Variants in MLC1 observed in about 807,000 individuals in gnomAD.
The protein encoded by MLC1 is modulator of VRAC current 1.
MLC1 carries 32 observed loss-of-function variants against 44.7 expected under a neutral mutation model. That is an observed-to-expected ratio of 0.72 (90% CI 0.54 to 0.96). The LOEUF (loss-of-function observed/expected upper bound fraction) is 0.96. Ranked by LOEUF, MLC1 falls within the 40% of genes least tolerant of loss-of-function variation. The pLI is 0.00. For missense variants in MLC1, 459 were observed against 492.2 expected (o/e 0.93, Z 0.64); for synonymous variants, 190 against 213.0 (o/e 0.89, Z 0.94).
intron 10 of MLC1, among the ~76,000 whole-genome samples, chr22:50,065,421 T>A (rs1320488449): frequency 6.6e-6 from 1 of 151,764 alleles, no homozygotes; most frequent in Non-Finnish European, 1.5e-5. Context: ...CTTAACTATT[T>A]AAAAAAATAG....
At chr22:50,078,149 C>T (rs541956139) in intron 5 of MLC1, among the ~76,000 whole-genome samples, 10 of 151,992 alleles carry the variant, frequency 6.6e-5, no homozygotes, top group East Asian at 2.0e-4. Context: ...CCTACCAGCA[C>T]GCCCGGCTAA....
intron 9 of MLC1, among the ~76,000 whole-genome samples, 173 bp downstream of exon 9, chr22:50,070,354 C>T (rs1206606567): frequency 6.6e-6 from 1 of 152,220 alleles, no homozygotes; most frequent in African/African-American, 2.4e-5. Flanking sequence ...CCCTGCTGAG[C>T]GGGCCAGCCT....
At chr22:50,062,304 G>A (rs1245589860) in intron 11 of MLC1, among the ~76,000 whole-genome samples, 5 of 149,446 alleles carry the variant, frequency 3.3e-5, no homozygotes, top group East Asian at 2.0e-4. Flanking sequence ...CTGAGCCCCA[G>A]CCGCCCACCC....
chr22:50,080,994 A>G (rs963197017), intron 3 of MLC1, among the ~76,000 whole-genome samples: 1 of 151,696 alleles, frequency 6.6e-6, no homozygotes, highest in African/African-American at 2.4e-5. Flanking sequence ...TGATAGAGTG[A>G]GACCTTGTCT....
At chr22:50,076,237 CAA>C (rs1264883609) in intron 7 of MLC1, among the ~76,000 whole-genome samples, 2 of 152,010 alleles carry the variant, frequency 1.3e-5, no homozygotes, top group Non-Finnish European at 1.5e-5. Context: ...TACCAAAGTA[CAA>C]GGCAAGAAAA....
intron 8 of MLC1, among the ~76,000 whole-genome samples, chr22:50,070,794 C>G (rs560344434): frequency 1.3e-5 from 2 of 152,298 alleles, no homozygotes; most frequent in African/African-American, 4.8e-5. Flanking sequence ...GTTTTGTGTG[C>G]TCTCTGTTCC....
intron 11 of MLC1, among the ~76,000 whole-genome samples, chr22:50,063,238 G>T (rs1051473338): frequency 7.9e-5 from 12 of 152,200 alleles, no homozygotes; most frequent in Non-Finnish European, 1.5e-4. Context: ...ACTTTGGGAG[G>T]CCAAGGCAGG....
In MLC1 at chr22:50,083,153, C is replaced by G. The variant is rs199991229; in HGVS notation, c.198G>C (p.Ser66=). 3.1e-6 allele frequency: 5 copies of G among 1,614,094 alleles called. No homozygotes were observed. In the Admixed American group the frequency reaches 8.3e-5, roughly 27 times the overall value. The change falls in exon 3 of 12, where the codon TCG becomes TCC. Residue 66 remains serine, a synonymous_variant. Coordinates refer to ENST00000311597, the MANE Select transcript of MLC1 (RefSeq NM_015166.4). This position sits in a 1 kb window ranked among gnomAD's most constrained non-coding sequence, Gnocchi z 4.6. ...VLMGSCLLVT[S]GFSLYLGNVF... is the part of the protein sequence containing the mutation. ...CGTTCCCCAGGTACAGCGAAAACCC[C>G]GAGGTCACCAGGAGGCAGCTCTGCA...
At position 50,068,426 on chromosome 22, in the gene MLC1, A is replaced by C; in HGVS notation, c.894+7T>G. ...TCTGGGGGGCTCTGAAATAAAATAC[A>C]ACTCACTTTTATGGCTGGCGGGTAA... On this transcript the variant is annotated splice_region_variant and intron_variant, in intron 10 of 11. Coordinates refer to ENST00000311597, the MANE Select transcript of MLC1 (RefSeq NM_015166.4). The C allele has an allele frequency of 6.2e-7, 1 of 1,613,216 alleles. No homozygotes were observed. The highest frequency in any genetic ancestry group is 8.5e-7 in the Non-Finnish European group (1 of 1,179,442).
intron 8 of MLC1, among the ~76,000 whole-genome samples, chr22:50,071,815 T>C (rs945273668): frequency 6.6e-6 from 1 of 152,226 alleles, no homozygotes; most frequent in Non-Finnish European, 1.5e-5. Flanking sequence ...TGCATGCTCT[T>C]CATCCTCTTC....
Position 50,080,065 on chromosome 22 carries a change from G to C in MLC1, c.322-46C>G, listed in dbSNP as rs781673046. On this transcript the variant is annotated intron_variant, in intron 4 of 11. Transcript: ENST00000311597. Reference sequence around the variant, plus strand: ...GGTTTTCCTTCTTTGAATAATAAAAGAAAAAAGGTAACAGATAAACCACAC... The same window carrying C: ...GGTTTTCCTTCTTTGAATAATAAAACAAAAAAGGTAACAGATAAACCACAC... 12 of 1,454,734 alleles carry C rather than the reference G, an allele frequency of 8.2e-6. No homozygotes were observed. The East Asian group carries it at 2.7e-4, about 33-fold the overall frequency. 90.1% of individuals were successfully genotyped at this position (1,454,734 alleles called of 1,614,324 possible).
chr22:50,074,934 T>C (rs2061942881), intron 7 of MLC1, among the ~76,000 whole-genome samples: 1 of 152,254 alleles, frequency 6.6e-6, no homozygotes, highest in African/African-American at 2.4e-5. Context: ...GAGCTGTCTC[T>C]GAGCTGCTGC....
At position 50,061,666 on chromosome 22, in the gene MLC1, G is replaced by A. The variant is rs569220214; in HGVS notation, c.1060-9C>T. 5.1e-5 allele frequency: 82 copies of A among 1,612,252 alleles called. No homozygotes were observed. Among genetic ancestry groups the A allele is most frequent in the Middle Eastern group, 1.7e-4 (1 of 6,058 alleles). ...AGGGGGCTCCTGGCCACCTGCAACC[G>A]AGACAGGAAAGGTGTTACTTCACCA... is the stretch of plus-strand genomic sequence containing the variant. On this transcript the variant is annotated splice_polypyrimidine_tract_variant and intron_variant, in intron 11 of 11. Coordinates refer to ENST00000311597, the MANE Select transcript of MLC1 (RefSeq NM_015166.4).
Position 50,083,234 on chromosome 22 carries a change from C to G in MLC1, c.178-61G>C, listed in dbSNP as rs2062191683. On this transcript the variant is annotated intron_variant, in intron 2 of 11. Coordinates refer to ENST00000311597, the MANE Select transcript of MLC1 (RefSeq NM_015166.4). The surrounding 1 kb of genome is among the most constrained non-coding windows in gnomAD (Gnocchi z 4.6). ...GCCCCGTCCCCAGGCTGGACCCTGA[C>G]CCTTCAACTTCTGCTTCACTGTCTG... is the stretch of plus-strand genomic sequence containing the variant. 7.0e-6 allele frequency: 10 copies of G among 1,437,108 alleles called. No homozygotes were observed. In the South Asian group the frequency reaches 9.2e-5, roughly 13 times the overall value. The allele number at this position is 1,437,108 out of a possible 1,614,324, so 89.0% of individuals were successfully genotyped here.
At chr22:50,080,894 A>G (rs1351684991) in intron 3 of MLC1, among the ~76,000 whole-genome samples, 1 of 152,034 alleles carries the variant, frequency 6.6e-6, no homozygotes, top group Non-Finnish European at 1.5e-5. Flanking sequence ...GCAGTGGCTC[A>G]CACCTCTAGT....
In MLC1 at chr22:50,083,452, T is replaced by C. The variant is rs2062199984; in HGVS notation, c.178-279A>G. Among the ~76,000 whole-genome samples, 1 of 151,970 alleles carries C rather than the reference T, an allele frequency of 6.6e-6. No individual in the cohort carries two copies. The highest frequency in any genetic ancestry group is 6.5e-5 in the Admixed American group (1 of 15,268). The stretch of plus-strand genomic sequence containing the variant: ...GGAGAGAAGAAAGGGGATCTGCCAA[T>C]ATTTAGAGCAAGGAATGGCACCTCT... On this transcript the variant is annotated intron_variant, in intron 2 of 11. Transcript: ENST00000311597. This position sits in a 1 kb window ranked among gnomAD's most constrained non-coding sequence, Gnocchi z 4.6.
chr22:50,065,526 C>T (rs1223997875), intron 10 of MLC1, among the ~76,000 whole-genome samples: 5 of 152,208 alleles, frequency 3.3e-5, no homozygotes, highest in Non-Finnish European at 5.9e-5. Context: ...GAGCTGGTCT[C>T]CCCCGGCACC....
intron 8 of MLC1, among the ~76,000 whole-genome samples, chr22:50,070,922 C>A (rs1023576522): frequency 7.2e-5 from 11 of 152,154 alleles, no homozygotes; most frequent in Non-Finnish European, 1.6e-4. Flanking sequence ...CTCTCCAGCT[C>A]TCCCAGATAG....
chr22:50,076,783 G>T (rs974048124), intron 7 of MLC1, 58 bp downstream of exon 7: 6 of 1,566,750 alleles, frequency 3.8e-6, no homozygotes, highest in Non-Finnish European at 5.3e-6. Flanking sequence ...GTTTAATCCA[G>T]CCTCAGTCAC....
Sources: allele counts gnomAD v4.1 joint callset (sites outside exome capture counted in the v4.1 genomes callset), GRCh38; gene constraint gnomAD v4.1.1; non-coding constraint Gnocchi (gnomAD v3.1); transcripts MANE v1.5; gene names NCBI Gene and HGNC (gene_info 2026-07-23, HGNC 2026-07-21).